Variants in LARGE1 observed in about 807,000 individuals in gnomAD.
LARGE1 encodes xylosyl- and glucuronyltransferase LARGE1.
In LARGE1, 43 loss-of-function variants were observed where a neutral mutation model predicts 87.6. That is an observed-to-expected ratio of 0.49 (90% CI 0.38 to 0.63). The LOEUF (loss-of-function observed/expected upper bound fraction) is 0.63, where lower values mean the gene tolerates loss of function less well. Ranked by LOEUF, LARGE1 falls within the 30% of genes least tolerant of loss-of-function variation. LARGE1 has a pLI of 0.00. For missense variants in LARGE1, 802 were observed against 1,000.2 expected (o/e 0.80, Z 2.67); for synonymous variants, 434 against 394.6 (o/e 1.10, Z -1.18).
At chr22:33,456,223 T>A (rs780603073) in intron 6 of LARGE1, among the ~76,000 whole-genome samples, 1 of 152,246 alleles carries the variant, frequency 6.6e-6, no homozygotes, top group Non-Finnish European at 1.5e-5. Flanking sequence ...TTCTTGGTTC[T>A]GATGGTCCAG....
intron 2 of LARGE1, among the ~76,000 whole-genome samples, chr22:33,752,832 C>A (rs1569426831): frequency 6.6e-6 from 1 of 152,218 alleles, no homozygotes; most frequent in African/African-American, 2.4e-5. Context: ...ATGAATATGT[C>A]ATCTTCCATG....
intron 1 of LARGE1, among the ~76,000 whole-genome samples, chr22:33,817,227 T>C (rs1442967739): frequency 2.0e-5 from 3 of 152,186 alleles, no homozygotes; most frequent in Non-Finnish European, 2.9e-5. Flanking sequence ...GTCTCCCATC[T>C]AGCCCCTTTG....
At chr22:33,715,944 A>T (rs2082895780) in intron 2 of LARGE1, among the ~76,000 whole-genome samples, 1 of 152,150 alleles carries the variant, frequency 6.6e-6, no homozygotes, top group South Asian at 2.1e-4. Context: ...AACCATCCAC[A>T]AGTTTATTTA....
At chr22:33,142,256 G>C in the LARGE1 span, among the ~76,000 whole-genome samples, 12 of 152,142 alleles carry the variant, frequency 7.9e-5, no homozygotes, top group Non-Finnish European at 1.6e-4. Context: ...GTCTTTTCCT[G>C]AGCTTGAAAG....
At position 33,196,139 on chromosome 22, in the gene LARGE1, A is replaced by G. The variant is rs560197965; in HGVS notation, c.1731-29307T>C. ...AACCCAAAGTAAATTAAAAAAAAAA[A>G]AAAGCGTAAGGATAAAAACCGGTAT... On this transcript the variant is annotated intron_variant, in intron 11 of 11. Coordinates refer to the LARGE1 transcript ENST00000608642. 2.6e-5 allele frequency among the ~76,000 whole-genome samples: 4 copies of G among 151,942 alleles called. No individual in the cohort carries two copies. In the East Asian group the frequency reaches 7.7e-4, roughly 29 times the overall value.
At chr22:33,152,648 A>G in the LARGE1 span, among the ~76,000 whole-genome samples, 16 of 152,112 alleles carry the variant, frequency 1.1e-4, no homozygotes, top group South Asian at 3.3e-3. Context: ...GGTACATGAG[A>G]TATTTTGGTA....
chr22:33,132,345 C>G, the LARGE1 span, among the ~76,000 whole-genome samples: 1 of 151,430 alleles, frequency 6.6e-6, no homozygotes, highest in Non-Finnish European at 1.5e-5. Context: ...CACCATGCCT[C>G]GCTAATTTTT....
intron 6 of LARGE1, among the ~76,000 whole-genome samples, chr22:33,457,035 G>A (rs565888301): frequency 6.6e-6 from 1 of 152,328 alleles, no homozygotes; most frequent in African/African-American, 2.4e-5. Context: ...CCTGCTAAGA[G>A]ATGGTAGTCA....
chr22:33,100,126 A>G, the LARGE1 span, among the ~76,000 whole-genome samples: 1 of 152,120 alleles, frequency 6.6e-6, no homozygotes, highest in Non-Finnish European at 1.5e-5. Context: ...ACCTGAGGTC[A>G]GGAGTTTGAG....
intron 2 of LARGE1, among the ~76,000 whole-genome samples, chr22:33,664,130 G>A (rs2081203965): frequency 6.6e-6 from 1 of 152,180 alleles, no homozygotes; most frequent in African/African-American, 2.4e-5. Flanking sequence ...GAGCCAGGCT[G>A]AATCACCTGT....
At position 33,604,946 on chromosome 22, in the gene LARGE1, A is replaced by T. The variant is rs548994617; in HGVS notation, c.492-388T>A. Among the ~76,000 whole-genome samples, 5 of 152,024 alleles carry T rather than the reference A, an allele frequency of 3.3e-5. No individual in the cohort carries two copies. The East Asian group carries it at 7.8e-4, about 24-fold the overall frequency. ...CGCAGAAACACAACAATGTAGTGTA[A>T]GTTTTTTAGACTGGCTGCAGGCGGC... On this transcript the variant is annotated intron_variant, in intron 4 of 14. Transcript: ENST00000397394.
intron 3 of LARGE1, among the ~76,000 whole-genome samples, chr22:33,638,249 G>A (rs2149125900): frequency 6.6e-6 from 1 of 152,290 alleles, no homozygotes; most frequent in African/African-American, 2.4e-5. Context: ...GGTTAGTTAG[G>A]ACCCAGAATA....
chr22:33,283,389 C>T (rs945056881), intron 12 of LARGE1, 41 bp from the exon 13 acceptor site: 1 of 1,612,808 alleles, frequency 6.2e-7, no homozygotes, highest in South Asian at 1.1e-5. Flanking sequence ...GTCCCTGTGA[C>T]ACCAGGCCAA....
chr22:33,668,425 T>A (rs898309588), intron 2 of LARGE1, among the ~76,000 whole-genome samples: 4 of 152,206 alleles, frequency 2.6e-5, no homozygotes, highest in Admixed American at 2.6e-4. Context: ...GATGAAGCAC[T>A]AGAGGCATTT....
chr22:33,085,890 T>C, the LARGE1 span, among the ~76,000 whole-genome samples: 1 of 152,172 alleles, frequency 6.6e-6, no homozygotes, highest in East Asian at 1.9e-4. Context: ...TTCAAGCAAA[T>C]GGAGTTAATA....
chr22:33,520,351 C>T (rs2071522156), intron 6 of LARGE1, among the ~76,000 whole-genome samples: 1 of 152,148 alleles, frequency 6.6e-6, no homozygotes, highest in Non-Finnish European at 1.5e-5. Context: ...GCTAGGATTA[C>T]AGGCAAGAGC....
At chr22:33,522,611 T>A (rs1381438705) in intron 6 of LARGE1, among the ~76,000 whole-genome samples, 4 of 151,998 alleles carry the variant, frequency 2.6e-5, no homozygotes, top group Admixed American at 2.6e-4. Flanking sequence ...GGTGGGTGGA[T>A]CATGAGGTCA....
At chr22:33,488,457 T>C (rs2069682937) in intron 6 of LARGE1, among the ~76,000 whole-genome samples, 1 of 152,194 alleles carries the variant, frequency 6.6e-6, no homozygotes, top group African/African-American at 2.4e-5. Context: ...ATGTTTTCAA[T>C]AATTTTTCAT....
At chr22:33,093,730 A>G in the LARGE1 span, among the ~76,000 whole-genome samples, 170 of 152,050 alleles carry the variant, frequency 1.1e-3, no homozygotes, top group Non-Finnish European at 1.7e-3. Context: ...TATCAGAGTA[A>G]AATTCTATTC....
Sources: allele counts gnomAD v4.1 joint callset (sites outside exome capture counted in the v4.1 genomes callset), GRCh38; gene constraint gnomAD v4.1.1; transcripts MANE v1.5; gene names NCBI Gene and HGNC (gene_info 2026-07-23, HGNC 2026-07-21).